The following NLRP5 variants were observed in gnomAD, a reference collection of about 807,000 sequenced individuals.
NLRP5 encodes the protein NLR family pyrin domain containing 5.
Under a neutral mutation model 113.1 loss-of-function variants are expected in NLRP5, and 93 were observed. That is an observed-to-expected ratio of 0.82 (90% CI 0.70 to 0.98). The LOEUF (loss-of-function observed/expected upper bound fraction) is 0.98. Ranked by LOEUF, NLRP5 falls within the 50% of genes least tolerant of loss-of-function variation. The pLI is 0.00. For missense variants in NLRP5, 1,808 were observed against 1,514.3 expected, an observed-to-expected ratio of 1.19 and a Z score of -3.22; for synonymous variants, 751 against 600.7, an observed-to-expected ratio of 1.25 and a Z score of -3.66.
intron 6 of NLRP5, among the ~76,000 whole-genome samples, chr19:56,024,262 G>A (rs1160302635): frequency 6.6e-6 from 1 of 150,532 alleles, no homozygotes; most frequent in Non-Finnish European, 1.5e-5. Context: ...GAGCACTTGG[G>A]AGGCTGAAGT....
intron 11 of NLRP5, among the ~76,000 whole-genome samples, chr19:56,047,793 A>G (rs145301613): frequency 1.6e-4 from 24 of 152,260 alleles, no homozygotes; most frequent in African/African-American, 5.3e-4. Flanking sequence ...TTCTGTCTTC[A>G]TGACCTGTCC....
upstream of NLRP5, among the ~76,000 whole-genome samples, chr19:55,995,631 C>T (rs569835166): frequency 5.9e-5 from 9 of 152,144 alleles, no homozygotes; most frequent in South Asian, 1.5e-3. Flanking sequence ...TGAAGAATGT[C>T]GTTGGTGTTT....
At chr19:56,013,055 T>C (rs1399935767) in intron 3 of NLRP5, among the ~76,000 whole-genome samples, 1 of 152,104 alleles carries the variant, frequency 6.6e-6, no homozygotes. Flanking sequence ...TAGCCATCAC[T>C]CCCCATACCC....
At chr19:56,037,050 C>T (rs1454017080) in intron 9 of NLRP5, among the ~76,000 whole-genome samples, 4 of 152,286 alleles carry the variant, frequency 2.6e-5, no homozygotes, top group African/African-American at 9.6e-5. Flanking sequence ...TATTCTAATC[C>T]TCACAACCAT....
chr19:56,025,408 C>CTG (rs1311810110), intron 6 of NLRP5, among the ~76,000 whole-genome samples: 3 of 151,458 alleles, frequency 2.0e-5, no homozygotes, highest in African/African-American at 7.3e-5. Context: ...CTCTCTCTGT[C>CTG]TCTCTGTTTT....
chr19:56,008,015 G>A (rs1318811930), intron 2 of NLRP5, among the ~76,000 whole-genome samples: 1 of 132,458 alleles, frequency 7.5e-6, no homozygotes, highest in African/African-American at 2.7e-5. Context: ...TGCAAACTCC[G>A]CCTCCCGGGT....
chr19:56,046,049 C>G (rs1313785998), intron 11 of NLRP5, among the ~76,000 whole-genome samples: 1 of 152,164 alleles, frequency 6.6e-6, no homozygotes, highest in East Asian at 1.9e-4. Flanking sequence ...AAAGGGAATG[C>G]TTTCAACTTT....
intron 9 of NLRP5, among the ~76,000 whole-genome samples, chr19:56,036,571 A>C (rs1198452110): frequency 1.3e-5 from 2 of 152,256 alleles, no homozygotes; most frequent in Admixed American, 1.3e-4. Context: ...ACAGGCCAGC[A>C]CAGGGAGAGC....
At chr19:56,043,542 C>CTTTTTTTTTTTTTTTTTTTTTTTT (rs369622191) in intron 11 of NLRP5, among the ~76,000 whole-genome samples, 1 of 92,920 alleles carries the variant, frequency 1.1e-5, no homozygotes. Context: ...CTCTGCTATT[C>CTTTTTTTTTTTTTTTTTTTTTTTT]TTTTTTTTTT....
At chr19:56,020,545 C>G (rs1982575100) in intron 6 of NLRP5, 114 bp downstream of exon 6, 6 of 1,242,440 alleles carry the variant, frequency 4.8e-6, no homozygotes, top group Non-Finnish European at 6.9e-6. Context: ...TCTTCAATCT[C>G]ATTTGTCTCT....
At chr19:56,046,267 A>C (rs1278890532) in intron 11 of NLRP5, among the ~76,000 whole-genome samples, 1 of 152,110 alleles carries the variant, frequency 6.6e-6, no homozygotes, top group African/African-American at 2.4e-5. Context: ...TGACTTGTAC[A>C]TGTTAAACCA....
At chr19:56,024,407 T>TAC (rs1982741067) in intron 6 of NLRP5, among the ~76,000 whole-genome samples, 1 of 123,140 alleles carries the variant, frequency 8.1e-6, no homozygotes, top group Non-Finnish European at 1.7e-5. Context: ...TATATGTACA[T>TAC]ATATGTATAT....
Position 56,037,650 on chromosome 19 carries a change from G to A in NLRP5, c.2616-375G>A, listed in dbSNP as rs10402135. Among the ~76,000 whole-genome samples, 388 of 145,304 alleles carry A rather than the reference G, an allele frequency of 2.7e-3. 2 individuals are homozygous for A. Among genetic ancestry groups the A allele is most frequent in the African/African-American group, 9.5e-3 (369 of 38,832 alleles). On this transcript the variant is annotated intron_variant, in intron 9 of 14. Transcript: ENST00000390649. The stretch of plus-strand genomic sequence containing the variant: ...GGAGATTGCAGTGAGCCAAGATTGC[G>A]CCACTGCACTCCAGCCTGGGTGACA...
rs71183002 is a variant in NLRP5, at chr19:56,013,596, G to GTTTTTTTTTTTTTTTTTTTTTTTT, written c.509-2125_509-2124insTTTTTTTTTTTTTTTTTTTTTTTT. On this transcript the variant is annotated intron_variant, in intron 3 of 14. Coordinates refer to ENST00000390649, the MANE Select transcript of NLRP5 (RefSeq NM_153447.4). Reference sequence around the variant, plus strand: ...CATTTATCACATGATGGACATTTGGGTTTTTTTTTTTTTTTTTTTTTGCTA... The same window carrying GTTTTTTTTTTTTTTTTTTTTTTTT: ...CATTTATCACATGATGGACATTTGGGTTTTTTTTTTTTTTTTTTTTTTTTTTTTTTTTTTTTTTTTTTTTTGCTA... Among the ~76,000 whole-genome samples the GTTTTTTTTTTTTTTTTTTTTTTTT allele has an allele frequency of 1.5e-3, 90 of 59,278 alleles. 17 individuals are homozygous for GTTTTTTTTTTTTTTTTTTTTTTTT. The highest frequency in any genetic ancestry group is 4.8e-3 in the East Asian group (10 of 2,078). 38.9% of individuals were successfully genotyped at this position (59,278 alleles called of 152,430 possible).
chr19:55,998,648 G>A (rs562625231), upstream of NLRP5, among the ~76,000 whole-genome samples: 214 of 105,700 alleles, frequency 2.0e-3, 2 homozygotes, highest in Admixed American at 5.5e-3. Flanking sequence ...GCAAGCCTTC[G>A]TCTCAAAATA....
intron 6 of NLRP5, among the ~76,000 whole-genome samples, chr19:56,022,798 C>T (rs1376310158): frequency 6.6e-6 from 1 of 152,152 alleles, no homozygotes; most frequent in Non-Finnish European, 1.5e-5. Context: ...GATCTCAGCT[C>T]ACTGCAACCT....
At chr19:55,988,469 T>TATATATATGC in the NLRP5 span, 1 of 144,990 alleles carries the variant, frequency 6.9e-6, no homozygotes, top group South Asian at 2.2e-4. Context: ...TATATATATA[T>TATATATATGC]GCTATATAAA....
intron 12 of NLRP5, among the ~76,000 whole-genome samples, chr19:56,052,550 G>C (rs370861026): frequency 1.3e-5 from 2 of 152,112 alleles, no homozygotes; most frequent in Admixed American, 1.3e-4. Context: ...GATTAGAGGC[G>C]TGAGCCACTG....
upstream of NLRP5, among the ~76,000 whole-genome samples, chr19:55,995,810 T>G (rs1981306494): frequency 6.6e-6 from 1 of 152,170 alleles, no homozygotes. Context: ...TTAGTTAAAT[T>G]TATTTCTAGG....
Sources: allele counts gnomAD v4.1 joint callset (sites outside exome capture counted in the v4.1 genomes callset), GRCh38; gene constraint gnomAD v4.1.1; transcripts MANE v1.5; gene names NCBI Gene and HGNC (gene_info 2026-07-23, HGNC 2026-07-21).